DAB2IP: variants seen among roughly 807,000 people sequenced by gnomAD.
DAB2IP encodes DAB2 interacting protein.
A neutral mutation model predicts 107.2 loss-of-function variants in DAB2IP; 28 were observed. The observed-to-expected ratio is 0.26, with a 90% confidence interval of 0.19 to 0.36. DAB2IP has a LOEUF of 0.36. Ranked by LOEUF, DAB2IP falls within the 10% of genes least tolerant of loss-of-function variation. DAB2IP has a pLI of 1.00. For synonymous variants in DAB2IP, 755 were observed against 706.4 expected (o/e 1.07, Z -1.09); for missense variants, 1,400 against 1,644.7 (o/e 0.85, Z 2.57).
Position 121,698,191 on chromosome 9 carries a change from C to T in DAB2IP, c.229-1134C>T, listed in dbSNP as rs191178359. On this transcript the variant is annotated intron_variant, in intron 2 of 15. Coordinates refer to ENST00000408936, the Ensembl canonical transcript of DAB2IP. This position sits in a 1 kb window ranked among gnomAD's most constrained non-coding sequence, Gnocchi z 4.1. Reference sequence around the variant, plus strand: ...AATTAAATTAATATCCCACTTGCCACCTGGAATTGAGACTGGGGTGGGTGA... The same window carrying T: ...AATTAAATTAATATCCCACTTGCCATCTGGAATTGAGACTGGGGTGGGTGA... 1.4e-3 allele frequency among the ~76,000 whole-genome samples: 215 copies of T among 152,298 alleles called. 1 individual carries two copies. In the South Asian group the frequency reaches 0.023, roughly 16 times the overall value.
chr9:121,705,773 A>G (rs79606898), intron 3 of DAB2IP, among the ~76,000 whole-genome samples: 50 of 152,314 alleles, frequency 3.3e-4, no homozygotes, highest in Middle Eastern at 3.4e-3. Context: ...GCCAGGCCTG[A>G]CAGGTGCCAT....
intron 1 of DAB2IP, among the ~76,000 whole-genome samples, chr9:121,644,954 G>A (rs867232604): frequency 7.9e-5 from 12 of 152,234 alleles, no homozygotes; most frequent in Middle Eastern, 3.2e-3. Flanking sequence ...CCAGGCCAGT[G>A]CCAGCCATGA....
At chr9:121,750,174 G>A (rs1431841677) in intron 3 of DAB2IP, among the ~76,000 whole-genome samples, 1 of 152,218 alleles carries the variant, frequency 6.6e-6, no homozygotes, top group African/African-American at 2.4e-5. Context: ...GTCCTAGAGA[G>A]TCGAATGACT....
At position 121,760,589 on chromosome 9, in the gene DAB2IP, G is replaced by A. The variant is rs543597329; in HGVS notation, c.1170+150G>A. On this transcript the variant is annotated intron_variant, in intron 6 of 15. Coordinates refer to ENST00000408936, the Ensembl canonical transcript of DAB2IP. This position sits in a 1 kb window ranked among gnomAD's most constrained non-coding sequence, Gnocchi z 5.9. Reference sequence around the variant, plus strand: ...GCTCCCTAAACCCAAAAGTTCTATCGTGGGCTGGGGGTTTTGTACTCCTGC... The same window carrying A: ...GCTCCCTAAACCCAAAAGTTCTATCATGGGCTGGGGGTTTTGTACTCCTGC... 8 of 981,314 alleles carry A rather than the reference G, an allele frequency of 8.2e-6. No homozygotes were observed. Among genetic ancestry groups the A allele is most frequent in the East Asian group, 5.3e-5 (2 of 37,862 alleles). 60.8% of individuals were successfully genotyped at this position (981,314 alleles called of 1,614,324 possible).
At chr9:121,693,069 G>A (rs1330139683) in intron 2 of DAB2IP, among the ~76,000 whole-genome samples, 1 of 152,238 alleles carries the variant, frequency 6.6e-6, no homozygotes, top group African/African-American at 2.4e-5. Context: ...TGTTGTAGAT[G>A]GGAAGACTGT....
chr9:121,695,770 A>C (rs931763996), intron 2 of DAB2IP, among the ~76,000 whole-genome samples: 1 of 152,256 alleles, frequency 6.6e-6, no homozygotes, highest in East Asian at 1.9e-4. Context: ...TGTTTTTAAC[A>C]GTCCTGTACA....
At chr9:121,708,845 G>A (rs548551686) in intron 3 of DAB2IP, among the ~76,000 whole-genome samples, 78 of 152,340 alleles carry the variant, frequency 5.1e-4, no homozygotes, top group African/African-American at 1.8e-3. Context: ...CAGACCCCTT[G>A]GAAGGTCTCG....
chr9:121,714,304 G>A (rs1013401848), intron 3 of DAB2IP, among the ~76,000 whole-genome samples: 1 of 152,200 alleles, frequency 6.6e-6, no homozygotes, highest in African/African-American at 2.4e-5. Flanking sequence ...TGCTAAATGA[G>A]TCATTATGGA....
intron 1 of DAB2IP, among the ~76,000 whole-genome samples, chr9:121,663,556 T>G (rs1173589913): frequency 5.3e-5 from 8 of 152,182 alleles, no homozygotes; most frequent in Non-Finnish European, 1.2e-4. Context: ...CCAGCAGCAG[T>G]GGGCAACCTC....
In DAB2IP at chr9:121,633,768, TC is replaced by T. The variant is rs1417320494; in HGVS notation, c.41-44909del. Reference sequence around the variant, plus strand: ...GATTTAAGGCTCAGCTAAGGGGACATCAGGACAGCATCCTCCAGGCCCAAAC... The same window carrying T: ...GATTTAAGGCTCAGCTAAGGGGACATAGGACAGCATCCTCCAGGCCCAAAC... On this transcript the variant is annotated intron_variant, in intron 1 of 16. Coordinates refer to the DAB2IP transcript ENST00000259371. The surrounding 1 kb of genome is among the most constrained non-coding windows in gnomAD (Gnocchi z 5.1). Among the ~76,000 whole-genome samples, 1 of 152,132 alleles carries T rather than the reference TC, an allele frequency of 6.6e-6. No individual in the cohort carries two copies. The highest frequency in any genetic ancestry group is 2.4e-5 in the African/African-American group (1 of 41,436).
chr9:121,629,627 G>C (rs1374552818), intron 1 of DAB2IP, among the ~76,000 whole-genome samples: 1 of 152,194 alleles, frequency 6.6e-6, no homozygotes, highest in Non-Finnish European at 1.5e-5. Context: ...GAAGCCCCGA[G>C]CTGGGCTGTC....
At chr9:121,716,526 A>G (rs58561071) in intron 3 of DAB2IP, among the ~76,000 whole-genome samples, 193 of 152,316 alleles carry the variant, frequency 1.3e-3, no homozygotes, top group African/African-American at 4.4e-3. Context: ...CTCAGGTTCC[A>G]TTTCCAAAAT....
chr9:121,629,473 G>T (rs1831791095), intron 1 of DAB2IP, among the ~76,000 whole-genome samples: 1 of 152,210 alleles, frequency 6.6e-6, no homozygotes, highest in Non-Finnish European at 1.5e-5. Context: ...CCCCTGAGAG[G>T]GTGGTGGTGG....
rs1237675592 is a variant in DAB2IP at position 121,702,550 on chromosome 9, G to A, written c.362+3092G>A. Among the ~76,000 whole-genome samples, 1 of 152,230 alleles carries A rather than the reference G, an allele frequency of 6.6e-6. No homozygotes were observed. The highest frequency in any genetic ancestry group is 1.5e-5 in the Non-Finnish European group (1 of 68,038). On this transcript the variant is annotated intron_variant, in intron 3 of 15. Coordinates refer to ENST00000408936, the Ensembl canonical transcript of DAB2IP. This position sits in a 1 kb window ranked among gnomAD's most constrained non-coding sequence, Gnocchi z 4.5. ...GCTTTGGCAGTAAGCACCAAGGACA[G>A]GTGATCATTTCTCCTGGGTAACAAA... is the stretch of plus-strand genomic sequence containing the variant.
chr9:121,611,098 C>T (rs188569504), intron 1 of DAB2IP, among the ~76,000 whole-genome samples: 1 of 152,116 alleles, frequency 6.6e-6, no homozygotes, highest in Non-Finnish European at 1.5e-5. Context: ...GCCTGAGCCC[C>T]CTGAGTAGCT....
At chr9:121,582,219 C>A (rs1459641172) in intron 1 of DAB2IP, among the ~76,000 whole-genome samples, 1 of 152,172 alleles carries the variant, frequency 6.6e-6, no homozygotes, top group Non-Finnish European at 1.5e-5. Flanking sequence ...ATCAAAACAT[C>A]CCGGCTGGGG....
intron 1 of DAB2IP, among the ~76,000 whole-genome samples, chr9:121,655,240 A>G (rs2119070543): frequency 6.6e-6 from 1 of 152,234 alleles, no homozygotes; most frequent in East Asian, 1.9e-4. Context: ...GGCATGTCCC[A>G]TGGATTTGGG....
chr9:121,715,545 G>A (rs989695919), intron 3 of DAB2IP, among the ~76,000 whole-genome samples: 2 of 151,856 alleles, frequency 1.3e-5, no homozygotes, highest in Non-Finnish European at 2.9e-5. Flanking sequence ...AGTACAGACA[G>A]GGTTTCACTG....
chr9:121,580,593 G>A (rs563873348), intron 1 of DAB2IP, among the ~76,000 whole-genome samples: 1 of 152,152 alleles, frequency 6.6e-6, no homozygotes, highest in Admixed American at 6.5e-5. Flanking sequence ...GGAAAGGCCT[G>A]GAGTTGAGAA....
Sources: gnomAD v4.1 joint callset for allele counts (sites outside exome capture counted in the v4.1 genomes callset) on GRCh38, gnomAD v4.1.1 for gene constraint, Gnocchi (gnomAD v3.1) non-coding constraint, MANE v1.5 for transcripts, NCBI Gene and HGNC (gene_info 2026-07-23, HGNC 2026-07-21) for gene names.